Variants in EPM2A observed in about 807,000 individuals in gnomAD.
EPM2A encodes EPM2A glucan phosphatase, laforin, also known as laforin.
A neutral mutation model predicts 26.5 loss-of-function variants in EPM2A; 21 were observed. The observed-to-expected ratio is 0.79, with a 90% confidence interval of 0.56 to 1.14. The LOEUF is 1.14. EPM2A is among the 50% of genes most tolerant of loss of function. The pLI is 0.00. For missense variants in EPM2A, 458 were observed against 440.8 expected (o/e 1.04, Z -0.35); for synonymous variants, 217 against 177.6 (o/e 1.22, Z -1.76).
downstream of EPM2A, among the ~76,000 whole-genome samples, chr6:145,497,179 A>G (rs549836123): frequency 6.6e-6 from 1 of 152,322 alleles, no homozygotes; most frequent in Non-Finnish European, 1.5e-5. Flanking sequence ...AAAGGAGCAC[A>G]TTCTTTTGCA....
intron 2 of EPM2A, among the ~76,000 whole-genome samples, chr6:145,543,690 G>A (rs918354751): frequency 4.6e-5 from 7 of 152,090 alleles, no homozygotes; most frequent in African/African-American, 1.4e-4. Context: ...TATATTCCAG[G>A]CAACTCCTGA....
chr6:145,541,177 C>CTGTGTG (rs5880647), intron 2 of EPM2A, among the ~76,000 whole-genome samples: 240 of 147,244 alleles, frequency 1.6e-3, no homozygotes, highest in South Asian at 5.2e-3. Flanking sequence ...ATATATATAT[C>CTGTGTG]TGTGTGTGTG....
At chr6:145,552,882 C>T (rs936209673) in intron 2 of EPM2A, among the ~76,000 whole-genome samples, 1 of 152,004 alleles carries the variant, frequency 6.6e-6, no homozygotes, top group African/African-American at 2.4e-5. Flanking sequence ...TAAAGAAAGA[C>T]AATCATTGGT....
intron 2 of EPM2A, among the ~76,000 whole-genome samples, chr6:145,523,197 C>A (rs1053109829): frequency 3.3e-5 from 5 of 152,174 alleles, no homozygotes; most frequent in South Asian, 2.1e-4. Context: ...AATAGGCAAT[C>A]AATGTGCATT....
chr6:145,449,279 C>G (rs1451720637), intron 4 of EPM2A, among the ~76,000 whole-genome samples: 1 of 152,050 alleles, frequency 6.6e-6, no homozygotes, highest in Admixed American at 6.6e-5. Flanking sequence ...AATGACAGCA[C>G]CAAAGAAAAA....
intron 4 of EPM2A, among the ~76,000 whole-genome samples, chr6:145,392,564 G>T (rs1778352087): frequency 6.6e-6 from 1 of 151,278 alleles, no homozygotes; most frequent in African/African-American, 2.4e-5. Context: ...CCTTCTCCTT[G>T]CCCCCTTACA....
intron 1 of EPM2A, among the ~76,000 whole-genome samples, chr6:145,718,623 T>A (rs1430696227): frequency 4.6e-5 from 7 of 151,952 alleles, no homozygotes; most frequent in Non-Finnish European, 1.0e-4. Flanking sequence ...ACAAATGGGA[T>A]CTAAATAAAC....
intron 2 of EPM2A, among the ~76,000 whole-genome samples, chr6:145,661,028 G>A (rs985572517): frequency 3.9e-5 from 6 of 152,216 alleles, no homozygotes; most frequent in African/African-American, 1.4e-4. Context: ...AGAAAAGACA[G>A]AGAAGGTTAG....
At chr6:145,725,579 T>C (rs1776161850) in intron 1 of EPM2A, among the ~76,000 whole-genome samples, 1 of 152,030 alleles carries the variant, frequency 6.6e-6, no homozygotes. Flanking sequence ...TAATGGGACA[T>C]CATCCAGCAA....
At chr6:145,414,749 T>C (rs978302683) in intron 4 of EPM2A, among the ~76,000 whole-genome samples, 2 of 152,032 alleles carry the variant, frequency 1.3e-5, no homozygotes, top group African/African-American at 4.8e-5. Flanking sequence ...GACAGCACTT[T>C]CCTCCTCAAC....
chr6:145,560,170 T>C (rs1008522273), intron 2 of EPM2A, among the ~76,000 whole-genome samples: 1 of 152,108 alleles, frequency 6.6e-6, no homozygotes, highest in Non-Finnish European at 1.5e-5. Flanking sequence ...CCACATAGAA[T>C]GAACAATTTG....
At chr6:145,539,442 T>G (rs1780477664) in intron 2 of EPM2A, among the ~76,000 whole-genome samples, 1 of 152,178 alleles carries the variant, frequency 6.6e-6, no homozygotes, top group South Asian at 2.1e-4. Context: ...GTAGAAGCTA[T>G]GACCTTGGAG....
downstream of EPM2A, among the ~76,000 whole-genome samples, chr6:145,621,134 T>C (rs1775624221): frequency 1.3e-5 from 2 of 152,220 alleles, no homozygotes; most frequent in African/African-American, 4.8e-5. Flanking sequence ...TACCATTTTA[T>C]TCACTGTTAC....
chr6:145,394,741 G>A (rs1420289188), intron 4 of EPM2A, among the ~76,000 whole-genome samples: 1 of 152,096 alleles, frequency 6.6e-6, no homozygotes, highest in Non-Finnish European at 1.5e-5. Flanking sequence ...ATGGGTCTCT[G>A]TCGTGCCTTT....
At position 145,509,601 on chromosome 6, in the gene EPM2A, G is replaced by C. The variant is rs555782772; in HGVS notation, c.341-7026C>G. 9.9e-5 allele frequency among the ~76,000 whole-genome samples: 15 copies of C among 152,256 alleles called. No individual in the cohort carries two copies. In the South Asian group the frequency reaches 3.1e-3, roughly 32 times the overall value. On this transcript the variant is annotated intron_variant, in intron 2 of 3. Transcript: ENST00000450221. ...GATGCTTAAGGGAGTGCTAAACATG[G>C]AAATGAAAGATGTTTGCTACCACGA... is the stretch of plus-strand genomic sequence containing the variant.
intron 4 of EPM2A, among the ~76,000 whole-genome samples, chr6:145,482,877 T>C (rs935956933): frequency 2.0e-5 from 3 of 151,906 alleles, no homozygotes; most frequent in Admixed American, 6.6e-5. Flanking sequence ...TTTTTTTTTT[T>C]CTGTGGCTTA....
chr6:145,535,446 T>C (rs947056420), intron 2 of EPM2A, among the ~76,000 whole-genome samples: 2 of 152,196 alleles, frequency 1.3e-5, no homozygotes, highest in African/African-American at 2.4e-5. Context: ...AGGTGGGATC[T>C]GATTGTAGGT....
At chr6:145,392,775 G>T (rs773062432) in intron 4 of EPM2A, among the ~76,000 whole-genome samples, 3 of 152,068 alleles carry the variant, frequency 2.0e-5, no homozygotes, top group Non-Finnish European at 4.4e-5. Flanking sequence ...ATGTTAGCGG[G>T]ACTATTTTAG....
chr6:145,492,405 T>C (rs1271614634), intron 4 of EPM2A, among the ~76,000 whole-genome samples: 1 of 151,954 alleles, frequency 6.6e-6, no homozygotes, highest in African/African-American at 2.4e-5. Flanking sequence ...GCATGTGTTA[T>C]AGTGCTCTTT....
Sources: gnomAD v4.1 joint callset for allele counts (sites outside exome capture counted in the v4.1 genomes callset) on GRCh38, gnomAD v4.1.1 for gene constraint, MANE v1.5 for transcripts, NCBI Gene and HGNC (gene_info 2026-07-23, HGNC 2026-07-21) for gene names.